AXIN1: variants seen among roughly 807,000 people sequenced by gnomAD.
AXIN1 encodes the protein axin 1.
A neutral mutation model predicts 76.4 loss-of-function variants in AXIN1; 30 were observed. The ratio of observed to expected loss-of-function variants is 0.39; its 90% CI spans 0.29 to 0.53. AXIN1 has a LOEUF of 0.53. Ranked by LOEUF, AXIN1 falls within the 20% of genes least tolerant of loss-of-function variation. AXIN1 has a pLI of 0.66. For synonymous variants in AXIN1, 545 were observed against 501.4 expected (o/e 1.09, Z -1.16); for missense variants, 1,140 against 1,198.8 (o/e 0.95, Z 0.72).
At chr16:318,780 C>T (rs1253766078) in intron 2 of AXIN1, among the ~76,000 whole-genome samples, 3 of 149,980 alleles carry the variant, frequency 2.0e-5, no homozygotes, top group African/African-American at 7.4e-5. Flanking sequence ...CGAGCACCTC[C>T]ACCTACACCT....
At chr16:329,429 C>G (rs1295333433) in intron 2 of AXIN1, among the ~76,000 whole-genome samples, 1 of 152,006 alleles carries the variant, frequency 6.6e-6, no homozygotes, top group South Asian at 2.1e-4. Context: ...CAGACCATTT[C>G]TTTGTTCTGT....
chr16:326,820 T>C (rs2141643631), intron 2 of AXIN1, among the ~76,000 whole-genome samples: 1 of 151,660 alleles, frequency 6.6e-6, no homozygotes, highest in East Asian at 2.0e-4. Flanking sequence ...ATCAGGGATG[T>C]GGCCTCTGCC....
At chr16:315,017 C>A (rs2053268771) in intron 2 of AXIN1, among the ~76,000 whole-genome samples, 1 of 152,224 alleles carries the variant, frequency 6.6e-6, no homozygotes, top group Non-Finnish European at 1.5e-5. Flanking sequence ...ATGTTCTGCT[C>A]ATTCTGCAGT....
Position 346,370 on chromosome 16 carries a change from T to C in AXIN1, c.656A>G (p.Lys219Arg), listed in dbSNP as rs1482281926. Residue 219 changes from lysine to arginine, a missense_variant, in exon 2 of 11, where the codon AAA becomes AGA. Physicochemically the swap from Lys to Arg is conservative, Grantham distance 26. Around this residue, in one of 3 missense-constraint regions of AXIN1, gnomAD observed 708 missense variants for 776.9 expected, o/e 0.91. Transcript: ENST00000262320. ...EYTRTGSESPKVCSDQSSGSG... is the reference protein window; with the variant it reads ...EYTRTGSESPRVCSDQSSGSG... ...CCCAGAGCTCTGGTCACTACAGACT[T>C]TGGGGCTCTCCGAGCCTGTCCTCGT... is the stretch of plus-strand genomic sequence containing the variant. The C allele has an allele frequency of 6.2e-7, 1 of 1,614,074 alleles. No homozygotes were observed. Among genetic ancestry groups the C allele is most frequent in the South Asian group, 1.1e-5 (1 of 91,086 alleles).
rs370372018 is a variant in AXIN1, at chr16:302,505, G to A, written c.1254+1799C>T. Among the ~76,000 whole-genome samples, 54 of 152,350 alleles carry A rather than the reference G, an allele frequency of 3.5e-4. No homozygotes were observed. The East Asian group carries it at 5.4e-3, about 15-fold the overall frequency. ...TCTGCAGCGACCACACCTGGTCCCC[G>A]CCATGAATCCCAGCTGCTCAACGAG... is the stretch of plus-strand genomic sequence containing the variant. On this transcript the variant is annotated intron_variant, in intron 5 of 10. Transcript: ENST00000262320.
chr16:289,923 G>A (rs985847773), intron 9 of AXIN1: 3 of 499,592 alleles, frequency 6.0e-6, no homozygotes, highest in African/African-American at 5.8e-5. Flanking sequence ...CAGGCTGCAG[G>A]GCTCCTATCT....
chr16:346,431 G>A lies in AXIN1; in HGVS notation c.595C>T (p.Pro199Ser), dbSNP rs1352136687. 1.9e-6 allele frequency: 3 copies of A among 1,614,194 alleles called. No individual in the cohort carries two copies. The highest frequency in any genetic ancestry group is 2.5e-6 in the Non-Finnish European group (3 of 1,180,042). Residue 199 changes from proline to serine, a missense_variant, in exon 2 of 11, where the codon CCC becomes TCC. By Grantham distance (74) the Pro-to-Ser change is moderately conservative. Coordinates refer to ENST00000262320, the MANE Select transcript of AXIN1 (RefSeq NM_003502.4). Reference protein sequence around the residue: ...IQATMEENTYPSFLKSDIYLE... With the variant: ...IQATMEENTYSSFLKSDIYLE... ...TAAATATCAGACTTAAGGAAGGAGGGATAGGTGTTTTCCTCCATAGTGGCC... is the reference window on the plus strand; with the variant it reads ...TAAATATCAGACTTAAGGAAGGAGGAATAGGTGTTTTCCTCCATAGTGGCC...
chr16:293,609 A>G lies in AXIN1; in HGVS notation c.2065T>C (p.Phe689Leu), dbSNP rs2141486059. 6.2e-7 allele frequency: 1 copy of G among 1,613,140 alleles called. No homozygotes were observed. The highest frequency in any genetic ancestry group is 8.5e-7 in the Non-Finnish European group (1 of 1,179,916). Residue 689 changes from phenylalanine to leucine, a missense_variant, in exon 8 of 11, where the codon TTC (phenylalanine) becomes CTC (leucine). Phe to Leu is a conservative substitution (Grantham distance 22). Transcript: ENST00000262320. This position sits in a 1 kb window ranked among gnomAD's most constrained non-coding sequence, Gnocchi z 4.6. The stretch of plus-strand genomic sequence containing the variant: ...GGTGGCATGGTGGGGTCTTGGATGA[A>G]GAGGTGGGAGGGCTGCACGGAGGTC... ...LRTSVQPSHLFIQDPTMPPHP... is the reference protein window; with the variant it reads ...LRTSVQPSHLLIQDPTMPPHP...
rs753904293 is a variant in AXIN1, at chr16:346,164, C to T, written c.862G>A (p.Glu288Lys). The T allele has an allele frequency of 4.3e-6, 7 of 1,613,778 alleles. No individual in the cohort carries two copies. Among genetic ancestry groups the T allele is most frequent in the African/African-American group, 2.7e-5 (2 of 75,058 alleles). Reference protein sequence around the residue: ...PRVSSSRRYSEGREFRYGSWR... With the variant: ...PRVSSSRRYSKGREFRYGSWR... ...CGGACTCACCTGAACTCTCTGCCTT[C>T]GCTGTACCGTCTACTGGAGGAGACC... Residue 288 changes from glutamate (E) to lysine (K), a missense_variant, in exon 2 of 11, where the codon GAA (glutamate) becomes AAA (lysine). Transcript: ENST00000262320.
intron 2 of AXIN1, among the ~76,000 whole-genome samples, chr16:343,950 A>G (rs925826039): frequency 6.7e-6 from 1 of 149,824 alleles, no homozygotes; most frequent in Non-Finnish European, 1.5e-5. Flanking sequence ...CAGTGAGCCG[A>G]GATAGCGAGA....
intron 2 of AXIN1, among the ~76,000 whole-genome samples, chr16:330,693 T>C (rs1456865830): frequency 6.6e-6 from 1 of 152,254 alleles, no homozygotes; most frequent in Non-Finnish European, 1.5e-5. Flanking sequence ...AAACACTTTA[T>C]GTAATGAAGA....
intron 5 of AXIN1, chr16:299,125 G>A: frequency 3.0e-6 from 3 of 985,436 alleles, no homozygotes; most frequent in Non-Finnish European, 3.6e-6. Flanking sequence ...TGTACATGTT[G>A]TGATGCTGCC....
intron 2 of AXIN1, among the ~76,000 whole-genome samples, chr16:317,035 T>G (rs2053318966): frequency 6.6e-6 from 1 of 151,898 alleles, no homozygotes; most frequent in South Asian, 2.1e-4. Context: ...ATGTCGGAGG[T>G]GCAAGCACAC....
At chr16:297,677 C>T (rs374566993) in intron 6 of AXIN1, 45 bp downstream of exon 6, 7 of 1,540,684 alleles carry the variant, frequency 4.5e-6, no homozygotes, top group Admixed American at 2.0e-5. Context: ...TGCAGGGACA[C>T]AGCCTCACCC....
rs760961378 is a variant in AXIN1 at position 297,982 on chromosome 16, A to AC, written c.1523dup (p.Ala509CysfsTer82). On this transcript the variant is annotated frameshift_variant, in exon 6 of 11. Transcript: ENST00000262320. LOFTEE classifies it high-confidence loss of function. ...CGTGCTTCCCGTGCCCCGAGGCGGC[A>AC]CCCCCCAGTGCCACTGGCATCTTGG... The AC allele has an allele frequency of 1.3e-6, 2 of 1,599,740 alleles. No homozygotes were observed. Among genetic ancestry groups the AC allele is most frequent in the Non-Finnish European group, 8.5e-7 (1 of 1,177,146 alleles).
intron 2 of AXIN1, 52 bp downstream of exon 2, chr16:346,096 C>T (rs1311681410): frequency 1.3e-6 from 2 of 1,582,894 alleles, no homozygotes; most frequent in African/African-American, 2.7e-5. Flanking sequence ...CTGGCTTGTT[C>T]TCCAGCTCTC....
chr16:331,823 C>T (rs1396282623), intron 2 of AXIN1, among the ~76,000 whole-genome samples: 4 of 152,220 alleles, frequency 2.6e-5, no homozygotes, highest in Non-Finnish European at 4.4e-5. Context: ...GGGGCCCTCA[C>T]GCCAGTGCCT....
chr16:352,447 A>C lies in AXIN1; in HGVS notation c.-160T>G. On this transcript the variant is annotated 5_prime_UTR_variant, in exon 1 of 11. Transcript: ENST00000262320. ...GGTCCGGGCCCATGCGCTCAGCGGCAGCGCGGCGGGCGGGACCCGGCGGGG... is the reference window on the plus strand; with the variant it reads ...GGTCCGGGCCCATGCGCTCAGCGGCCGCGCGGCGGGCGGGACCCGGCGGGG... The C allele has an allele frequency of 1.4e-5, 14 of 973,422 alleles. No homozygotes were observed. Among genetic ancestry groups the C allele is most frequent in the Non-Finnish European group, 1.6e-5 (13 of 822,598 alleles). 60.3% of individuals were successfully genotyped at this position (973,422 alleles called of 1,614,324 possible).
intron 2 of AXIN1, among the ~76,000 whole-genome samples, chr16:326,372 A>AATATATATATATATAT (rs67811547): frequency 3.5e-5 from 3 of 86,468 alleles, no homozygotes; most frequent in Admixed American, 1.3e-4. Flanking sequence ...AAAAAAAAAA[A>AATATATATATATATAT]ATATATATAT....
Sources: allele counts gnomAD v4.1 joint callset (sites outside exome capture counted in the v4.1 genomes callset), GRCh38; gene constraint gnomAD v4.1.1; regional missense constraint gnomAD v4.1.1; non-coding constraint Gnocchi (gnomAD v3.1); transcripts MANE v1.5; gene names NCBI Gene and HGNC (gene_info 2026-07-23, HGNC 2026-07-21).